The following KIFC3 variants were observed in gnomAD, a reference collection of about 807,000 sequenced individuals.
KIFC3 encodes kinesin family member C3, also known as kinesin-like protein KIFC3.
Under a neutral mutation model 101.8 loss-of-function variants are expected in KIFC3, and 60 were observed. That is an observed-to-expected ratio of 0.59 (90% CI 0.48 to 0.73). The LOEUF is 0.73. KIFC3 is among the 30% of genes least tolerant of loss of function. KIFC3 has a pLI of 0.00. For synonymous variants in KIFC3, 476 were observed against 482.7 expected (o/e 0.99, Z 0.18); for missense variants, 966 against 1,137.1 (o/e 0.85, Z 2.16).
At chr16:57,763,109 G>A (rs1213937440) in intron 12 of KIFC3, among the ~76,000 whole-genome samples, 1 of 152,116 alleles carries the variant, frequency 6.6e-6, no homozygotes, top group Non-Finnish European at 1.5e-5. Flanking sequence ...GCTGATTTGT[G>A]TAGACCCTGC....
chr16:57,818,912 C>A (rs1383863657), intron 1 of KIFC3, among the ~76,000 whole-genome samples: 1 of 152,230 alleles, frequency 6.6e-6, no homozygotes, highest in East Asian at 1.9e-4. Context: ...CTGTTCTCTG[C>A]CAGCAGCAAG....
chr16:57,771,375 G>T lies in KIFC3; in HGVS notation c.588C>A (p.Gly196=). Residue 196 remains glycine (G), a synonymous_variant, in exon 6 of 20, where the codon GGC becomes GGA. Transcript: ENST00000445690. ...QLQLEMAESK[G]MLSELNLEVQ... is the part of the protein sequence containing the mutation. ...CCTCTAGGTTCAGCTCTGACAGCAT[G>T]CCTTTGCTTTCCGCCATCTCCAGCT... 1.2e-6 allele frequency: 2 copies of T among 1,613,716 alleles called. No homozygotes were observed. Among genetic ancestry groups the T allele is most frequent in the Non-Finnish European group, 1.7e-6 (2 of 1,180,048 alleles).
In KIFC3 at chr16:57,775,815, G is replaced by T. The variant is rs561213630; in HGVS notation, c.316-3527C>A. On this transcript the variant is annotated intron_variant, in intron 3 of 19. Transcript: ENST00000445690. The stretch of plus-strand genomic sequence containing the variant: ...AGGCGGCTGAAACGGTCCCAGGACA[G>T]CATGGACGTCAATCCAGGGCTGAGG... 4 of 985,544 alleles carry T rather than the reference G, an allele frequency of 4.1e-6. No homozygotes were observed. In the South Asian group the frequency reaches 1.9e-4, roughly 46 times the overall value. 61.0% of individuals were successfully genotyped at this position (985,544 alleles called of 1,614,324 possible). A position where few individuals can be genotyped will look rare whatever the true frequency, so the allele number is the denominator to read the frequency against.
At chr16:57,764,088 C>G (rs1295294261) in intron 12 of KIFC3, 55 bp downstream of exon 12, 56 of 1,256,720 alleles carry the variant, frequency 4.5e-5, no homozygotes, top group East Asian at 7.0e-5. Context: ...AATGAGGGAG[C>G]CCGCATTCCC....
chr16:57,796,050 G>C (rs1555622825), intron 2 of KIFC3, among the ~76,000 whole-genome samples: 1 of 151,766 alleles, frequency 6.6e-6, no homozygotes, highest in East Asian at 1.9e-4. Context: ...CGCACCACCA[G>C]CCCAACTAAT....
At chr16:57,792,500 T>C (rs953753125) in intron 3 of KIFC3, among the ~76,000 whole-genome samples, 1 of 152,230 alleles carries the variant, frequency 6.6e-6, no homozygotes, top group Admixed American at 6.5e-5. Context: ...ACAGCACAGA[T>C]ATTTGTTTAA....
intron 1 of KIFC3, among the ~76,000 whole-genome samples, chr16:57,850,815 C>A (rs768292868): frequency 6.6e-6 from 1 of 152,026 alleles, no homozygotes; most frequent in Non-Finnish European, 1.5e-5. Flanking sequence ...CGGAGTTCTC[C>A]GCAGGCCCTT....
chr16:57,862,684 C>A (rs1178183549), intron 1 of KIFC3: 1 of 721,348 alleles, frequency 1.4e-6, no homozygotes, highest in Admixed American at 2.8e-5. Context: ...CTCCAACAGG[C>A]CTCCTCCTCC....
chr16:57,800,936 T>C (rs1269536575), intron 1 of KIFC3, among the ~76,000 whole-genome samples: 1 of 152,140 alleles, frequency 6.6e-6, no homozygotes, highest in Non-Finnish European at 1.5e-5. Context: ...CTCCCCTGTT[T>C]ACTAGATGTC....
rs1400014820 is a variant in KIFC3 at position 57,769,141 on chromosome 16, C to A, written c.1218+454G>T. On this transcript the variant is annotated intron_variant, in intron 9 of 19. Coordinates refer to ENST00000445690, the MANE Select transcript of KIFC3 (RefSeq NM_001130100.2). This position sits in a 1 kb window ranked among gnomAD's most constrained non-coding sequence, Gnocchi z 4.3. ...CTCCGCCTTCTGGGTTCAAGTGATT[C>A]TCCTGCCTCAGCCTCCCGAGTAGCT... 2.0e-5 allele frequency among the ~76,000 whole-genome samples: 3 copies of A among 152,206 alleles called. No homozygotes were observed. Among genetic ancestry groups the A allele is most frequent in the Non-Finnish European group, 4.4e-5 (3 of 68,036 alleles).
chr16:57,773,456 C>T (rs1158314180), intron 3 of KIFC3, among the ~76,000 whole-genome samples: 1 of 152,190 alleles, frequency 6.6e-6, no homozygotes, highest in Non-Finnish European at 1.5e-5. Context: ...AGGCCTAGGC[C>T]AGCCTGAGCA....
chr16:57,828,979 AAGTC>A (rs2055518854), intron 1 of KIFC3, among the ~76,000 whole-genome samples: 2 of 152,110 alleles, frequency 1.3e-5, no homozygotes, highest in Admixed American at 1.3e-4. Context: ...GAGGCCCAAA[AAGTC>A]AGTCAGCTCA....
At chr16:57,791,618 G>A (rs928773946) in intron 3 of KIFC3, among the ~76,000 whole-genome samples, 1 of 152,170 alleles carries the variant, frequency 6.6e-6, no homozygotes, top group East Asian at 1.9e-4. Flanking sequence ...GGATGTGAAC[G>A]TGGAAGCTAG....
At chr16:57,834,913 C>T (rs1410964360) in intron 1 of KIFC3, among the ~76,000 whole-genome samples, 1 of 152,212 alleles carries the variant, frequency 6.6e-6, no homozygotes, top group Non-Finnish European at 1.5e-5. Flanking sequence ...TATGCTCAAA[C>T]CTTTGTCATC....
intron 12 of KIFC3, among the ~76,000 whole-genome samples, chr16:57,762,844 G>C (rs1031504455): frequency 6.6e-6 from 1 of 152,204 alleles, no homozygotes; most frequent in Admixed American, 6.5e-5. Context: ...TCCGGCCACA[G>C]GGGCCTCCTG....
chr16:57,825,097 C>A (rs1392986805), intron 1 of KIFC3, among the ~76,000 whole-genome samples: 1 of 152,148 alleles, frequency 6.6e-6, no homozygotes, highest in East Asian at 1.9e-4. Context: ...TCACCCCAGC[C>A]CAGCCCTCCT....
In KIFC3 at chr16:57,764,207, T is replaced by C; in HGVS notation, c.1553A>G (p.Asp518Gly). 1 of 1,462,080 alleles carries C rather than the reference T, an allele frequency of 6.8e-7. No homozygotes were observed. The highest frequency in any genetic ancestry group is 9.2e-7 in the Non-Finnish European group (1 of 1,084,192). 90.6% of individuals were successfully genotyped at this position (1,462,080 alleles called of 1,614,324 possible). The change falls in exon 12 of 20, where the codon GAT becomes GGT. Residue 518 changes from aspartate (D) to glycine (G), a missense_variant. Asp to Gly is a moderately conservative substitution (Grantham distance 94). Coordinates refer to ENST00000445690, the MANE Select transcript of KIFC3 (RefSeq NM_001130100.2). The stretch of plus-strand genomic sequence containing the variant: ...CGCAAAGATGCAGACATTGAAGCCA[T>C]CAATGCAAGAGGTGACCAGGGCCTG... ...EVQALVTSCI[D>G]GFNVCIFAYG...
chr16:57,798,583 C>T, intron 1 of KIFC3: 2 of 499,096 alleles, frequency 4.0e-6, no homozygotes, highest in Non-Finnish European at 7.1e-6. Context: ...TGAGGACAAG[C>T]CAGGTCCTAG....
chr16:57,798,395 A>C (rs1381371897), intron 1 of KIFC3, 113 bp from the exon 2 acceptor site: 1 of 934,616 alleles, frequency 1.1e-6, no homozygotes, highest in Non-Finnish European at 1.7e-6. Flanking sequence ...CTGGTTACCC[A>C]GCGCAGCAGC....
Sources: allele counts gnomAD v4.1 joint callset (sites outside exome capture counted in the v4.1 genomes callset), GRCh38; gene constraint gnomAD v4.1.1; non-coding constraint Gnocchi (gnomAD v3.1); transcripts MANE v1.5; gene names NCBI Gene and HGNC (gene_info 2026-07-23, HGNC 2026-07-21).